Variants in FBXL20 observed in about 807,000 individuals in gnomAD.
FBXL20 encodes the protein F-box/LRR-repeat protein 20.
FBXL20 carries 11 observed loss-of-function variants against 64.0 expected under a neutral mutation model. The observed-to-expected ratio is 0.17, with a 90% CI of 0.11 to 0.28. The LOEUF (loss-of-function observed/expected upper bound fraction) is 0.28, where lower values mean the gene tolerates loss of function less well. Among genes scored for constraint, FBXL20 ranks in the 10% least tolerant of loss-of-function variants. FBXL20 has a pLI of 1.00. For synonymous variants in FBXL20, 184 were observed against 189.0 expected (o/e 0.97, Z 0.22); for missense variants, 303 against 526.2 (o/e 0.58, Z 4.15).
intron 2 of FBXL20, among the ~76,000 whole-genome samples, chr17:39,306,955 T>C (rs1436441929): frequency 6.6e-6 from 1 of 152,076 alleles, no homozygotes; most frequent in Non-Finnish European, 1.5e-5. Flanking sequence ...GACAGGAAAA[T>C]CCCTGAATAA....
chr17:39,290,688 C>T (rs922842255), intron 6 of FBXL20, among the ~76,000 whole-genome samples: 22 of 152,022 alleles, frequency 1.4e-4, no homozygotes, highest in African/African-American at 4.3e-4. Flanking sequence ...CCTCAGCCTC[C>T]GAGTAGATAG....
At chr17:39,337,806 G>A (rs1460996575) in intron 2 of FBXL20, among the ~76,000 whole-genome samples, 16 of 149,712 alleles carry the variant, frequency 1.1e-4, no homozygotes, top group South Asian at 6.3e-4. Context: ...CAGCTGCCCC[G>A]TCCAGGAGGG....
At position 39,373,379 on chromosome 17, in the gene FBXL20, T is replaced by C. The variant is rs187596735; in HGVS notation, c.42+27982A>G. On this transcript the variant is annotated intron_variant, in intron 1 of 14. Coordinates refer to ENST00000264658, the MANE Select transcript of FBXL20 (RefSeq NM_032875.3). ...TCCATTTCTTCAGGGCCAGGCTCTC[T>C]CCTGCGTTGAAAAGCTTGATTTGGT... 3.5e-4 allele frequency among the ~76,000 whole-genome samples: 54 copies of C among 152,332 alleles called. 1 individual carries two copies. The East Asian group carries it at 9.1e-3, about 26-fold the overall frequency.
intron 6 of FBXL20, among the ~76,000 whole-genome samples, chr17:39,289,069 G>T (rs1366201296): frequency 6.6e-6 from 1 of 152,080 alleles, no homozygotes; most frequent in Non-Finnish European, 1.5e-5. Context: ...GCTTGTCTAT[G>T]TGTGGGCTCC....
In FBXL20 at chr17:39,274,835, C is replaced by T. The variant is rs545225603; in HGVS notation, c.827+135G>A. On this transcript the variant is annotated intron_variant, in intron 10 of 14. Transcript: ENST00000264658. ...GAGGTACAAAAAGGAAGTAGGTGGG[C>T]ATCTAAAAGGGACTACCTTAAAATT... 13 of 1,034,478 alleles carry T rather than the reference C, an allele frequency of 1.3e-5. No individual in the cohort carries two copies. In the South Asian group the frequency reaches 2.1e-4, roughly 16 times the overall value. The allele number at this position is 1,034,478 out of a possible 1,614,324, so 64.1% of individuals were successfully genotyped here. A position where few individuals can be genotyped will look rare whatever the true frequency, so the allele number is the denominator to read the frequency against.
chr17:39,287,363 C>A (rs1388591001), intron 6 of FBXL20, among the ~76,000 whole-genome samples: 1 of 152,134 alleles, frequency 6.6e-6, no homozygotes, highest in Non-Finnish European at 1.5e-5. Flanking sequence ...TTCTCTTTGG[C>A]TGATATGTCT....
chr17:39,385,794 G>A (rs183664292), intron 1 of FBXL20, among the ~76,000 whole-genome samples: 8 of 152,142 alleles, frequency 5.3e-5, no homozygotes, highest in African/African-American at 1.9e-4. Context: ...CACTTTGGGA[G>A]GCCGAGGTGG....
intron 1 of FBXL20, among the ~76,000 whole-genome samples, chr17:39,356,267 C>T (rs1238325509): frequency 1.3e-5 from 2 of 149,692 alleles, no homozygotes; most frequent in East Asian, 2.0e-4. Flanking sequence ...ACACTTAAGT[C>T]TAAGATCCAT....
chr17:39,320,190 T>G (rs1327087601), intron 2 of FBXL20, among the ~76,000 whole-genome samples: 1 of 152,234 alleles, frequency 6.6e-6, no homozygotes, highest in Non-Finnish European at 1.5e-5. Context: ...TGTCTGCCTC[T>G]TGAAGAATTC....
In FBXL20 at chr17:39,261,532, G is replaced by A. The variant is rs771346718; in HGVS notation, c.1239C>T (p.Phe413=). The change falls in exon 15 of 15, where the codon TTC becomes TTT. Residue 413 remains phenylalanine (F), a synonymous_variant. Transcript: ENST00000264658. ...HLPNIKVHAY[F]APVTPPPSVG... Reference sequence around the variant, plus strand: ...CTGATGGGGGTGGAGTGACAGGTGCGAAGTAGGCGTGGACTTTAATATTGG... The same window carrying A: ...CTGATGGGGGTGGAGTGACAGGTGCAAAGTAGGCGTGGACTTTAATATTGG... 2.8e-5 allele frequency: 45 copies of A among 1,613,824 alleles called. No homozygotes were observed. Among genetic ancestry groups the A allele is most frequent in the Middle Eastern group, 1.6e-4 (1 of 6,082 alleles).
intron 2 of FBXL20, among the ~76,000 whole-genome samples, chr17:39,333,677 C>T (rs530682085): frequency 6.6e-6 from 1 of 151,852 alleles, no homozygotes. Flanking sequence ...TCTTCCCGGC[C>T]GTCATCCCGT....
intron 2 of FBXL20, among the ~76,000 whole-genome samples, chr17:39,339,462 T>G (rs1317665077): frequency 1.3e-5 from 2 of 152,074 alleles, no homozygotes; most frequent in Admixed American, 1.3e-4. Flanking sequence ...AGGAGACTTT[T>G]CTGTATTCAG....
intron 10 of FBXL20, among the ~76,000 whole-genome samples, chr17:39,272,674 C>T (rs1465745837): frequency 1.4e-5 from 2 of 141,414 alleles, no homozygotes; most frequent in East Asian, 4.0e-4. Context: ...TGCACTCCAG[C>T]CTGGGCAACA....
intron 1 of FBXL20, among the ~76,000 whole-genome samples, chr17:39,376,045 G>A (rs1325773574): frequency 6.6e-6 from 1 of 152,258 alleles, no homozygotes; most frequent in East Asian, 1.9e-4. Context: ...CTTGAACCCA[G>A]GAGGCGGAGG....
intron 14 of FBXL20, among the ~76,000 whole-genome samples, chr17:39,262,081 C>T (rs1049149381): frequency 6.6e-6 from 1 of 151,810 alleles, no homozygotes; most frequent in Non-Finnish European, 1.5e-5. Flanking sequence ...TAAGTAGGCA[C>T]GTAAGAGGCT....
At chr17:39,269,854 G>A (rs530891108) in intron 11 of FBXL20, among the ~76,000 whole-genome samples, 7 of 152,214 alleles carry the variant, frequency 4.6e-5, no homozygotes, top group East Asian at 1.9e-4. Context: ...GGGCTCAAGC[G>A]ATCTGCTTTC....
At chr17:39,397,626 T>A (rs2048196478) in intron 1 of FBXL20, among the ~76,000 whole-genome samples, 2 of 152,154 alleles carry the variant, frequency 1.3e-5, no homozygotes, top group Non-Finnish European at 2.9e-5. Flanking sequence ...TTAATCTCAC[T>A]AAGTGTTAAG....
chr17:39,334,335 A>G (rs2047498432), intron 2 of FBXL20, among the ~76,000 whole-genome samples: 1 of 152,114 alleles, frequency 6.6e-6, no homozygotes, highest in African/African-American at 2.4e-5. Flanking sequence ...AACACTGCGG[A>G]AGGCAGCAGG....
intron 1 of FBXL20, among the ~76,000 whole-genome samples, chr17:39,374,344 C>T (rs1287736885): frequency 6.6e-6 from 1 of 151,574 alleles, no homozygotes; most frequent in African/African-American, 2.4e-5. Flanking sequence ...GCCTGGCCAA[C>T]ATAGTGAAAC....
Sources: allele counts gnomAD v4.1 joint callset (sites outside exome capture counted in the v4.1 genomes callset), GRCh38; gene constraint gnomAD v4.1.1; transcripts MANE v1.5; gene names NCBI Gene and HGNC (gene_info 2026-07-23, HGNC 2026-07-21).